The following SGMS1 variants were observed in gnomAD, a reference collection of about 807,000 sequenced individuals.
SGMS1 encodes phosphatidylcholine:ceramide cholinephosphotransferase 1.
A neutral mutation model predicts 46.2 loss-of-function variants in SGMS1; 13 were observed. The ratio of observed to expected loss-of-function variants is 0.28; its 90% CI spans 0.18 to 0.45. The LOEUF is 0.45. Ranked by LOEUF, SGMS1 falls within the 20% of genes least tolerant of loss-of-function variation. SGMS1 has a pLI of 1.00. For missense variants in SGMS1, 324 were observed against 519.9 expected, an observed-to-expected ratio of 0.62 and a Z score of 3.66; for synonymous variants, 203 against 187.8, an observed-to-expected ratio of 1.08 and a Z score of -0.66.
At chr10:50,503,045 A>G (rs1393675025) in intron 3 of SGMS1, among the ~76,000 whole-genome samples, 2 of 152,206 alleles carry the variant, frequency 1.3e-5, no homozygotes, top group African/African-American at 4.8e-5. Flanking sequence ...ATTTTCTCCA[A>G]CCCTACCTAG....
At chr10:50,598,321 A>C (rs1237897961) in intron 1 of SGMS1, among the ~76,000 whole-genome samples, 3 of 152,088 alleles carry the variant, frequency 2.0e-5, no homozygotes, top group African/African-American at 7.2e-5. Context: ...GCTAGCTGGC[A>C]CCCTCGGACT....
rs1027461719 is a variant in SGMS1 at position 50,623,920 on chromosome 10, G to T, written c.-897C>A. The T allele has an allele frequency of 1.4e-5, 14 of 986,634 alleles. No individual in the cohort carries two copies. The highest frequency in any genetic ancestry group is 1.2e-4 in the Admixed American group (2 of 16,284). 61.1% of individuals were successfully genotyped at this position (986,634 alleles called of 1,614,324 possible). On this transcript the variant is annotated 5_prime_UTR_variant, in exon 1 of 11. Coordinates refer to ENST00000361781, the MANE Select transcript of SGMS1 (RefSeq NM_147156.4). ...CCCGCAGCCGCTGCCCCGCTGGTGC[G>T]AACGCTTTCGACTTGCCACCGCGAG...
chr10:50,571,089 C>A (rs1838332983), intron 2 of SGMS1, among the ~76,000 whole-genome samples: 1 of 152,246 alleles, frequency 6.6e-6, no homozygotes, highest in Non-Finnish European at 1.5e-5. Flanking sequence ...AGTCCAACTG[C>A]AAACACTTGT....
intron 1 of SGMS1, among the ~76,000 whole-genome samples, chr10:50,602,974 T>G (rs1386959569): frequency 2.0e-5 from 3 of 152,158 alleles, no homozygotes; most frequent in Non-Finnish European, 2.9e-5. Context: ...ATGAACGAGT[T>G]TAGACAATGG....
At chr10:50,433,845 C>T (rs556646457) in intron 5 of SGMS1, among the ~76,000 whole-genome samples, 11 of 152,224 alleles carry the variant, frequency 7.2e-5, no homozygotes, top group East Asian at 5.8e-4. Context: ...GTTTCCCAGG[C>T]GGCAACAGTA....
intron 2 of SGMS1, among the ~76,000 whole-genome samples, chr10:50,544,269 C>G (rs1169690470): frequency 6.6e-6 from 1 of 152,070 alleles, no homozygotes; most frequent in Non-Finnish European, 1.5e-5. Flanking sequence ...GAAACTGAAG[C>G]CCAGAAAGGT....
chr10:50,316,633 TAA>T (rs1847342932), intron 8 of SGMS1, among the ~76,000 whole-genome samples: 1 of 152,106 alleles, frequency 6.6e-6, no homozygotes, highest in Admixed American at 6.5e-5. Flanking sequence ...CCTATTAAGG[TAA>T]ATTATTTTGT....
At chr10:50,371,531 T>C (rs747507521) in intron 6 of SGMS1, among the ~76,000 whole-genome samples, 3 of 152,226 alleles carry the variant, frequency 2.0e-5, no homozygotes, top group Non-Finnish European at 4.4e-5. Context: ...CTTTGTATGG[T>C]GGAGTTCTAC....
chr10:50,588,358 C>T (rs1393952786), intron 2 of SGMS1, among the ~76,000 whole-genome samples: 1 of 152,176 alleles, frequency 6.6e-6, no homozygotes, highest in Non-Finnish European at 1.5e-5. Context: ...CTTAGATACA[C>T]AGGGACGACT....
intron 3 of SGMS1, among the ~76,000 whole-genome samples, chr10:50,474,447 G>C (rs1837402819): frequency 6.6e-6 from 1 of 152,058 alleles, no homozygotes; most frequent in Admixed American, 6.5e-5. Flanking sequence ...TATAATCTCA[G>C]TACAGGCACC....
intron 2 of SGMS1, among the ~76,000 whole-genome samples, chr10:50,554,853 A>G (rs1838177535): frequency 6.6e-6 from 1 of 152,206 alleles, no homozygotes; most frequent in African/African-American, 2.4e-5. Context: ...TTTTTCACTC[A>G]ACAATATGTC....
At chr10:50,448,756 A>AT (rs1457477354) in intron 5 of SGMS1, among the ~76,000 whole-genome samples, 33 of 139,690 alleles carry the variant, frequency 2.4e-4, no homozygotes, top group African/African-American at 6.9e-4. Flanking sequence ...AAAAAAAAAA[A>AT]AAAAAGAATG....
intron 4 of SGMS1, among the ~76,000 whole-genome samples, chr10:50,466,016 A>T (rs975069288): frequency 6.6e-6 from 1 of 151,924 alleles, no homozygotes; most frequent in African/African-American, 2.4e-5. Context: ...AGACAGGAAA[A>T]GTAGGTATGT....
chr10:50,363,116 A>C (rs1243158439), intron 6 of SGMS1, among the ~76,000 whole-genome samples: 1 of 92,366 alleles, frequency 1.1e-5, no homozygotes, highest in East Asian at 4.1e-4. Flanking sequence ...TTCACTGGAC[A>C]TATACATTCT....
chr10:50,544,628 T>C (rs950313346), intron 2 of SGMS1, among the ~76,000 whole-genome samples: 1 of 152,228 alleles, frequency 6.6e-6, no homozygotes, highest in African/African-American at 2.4e-5. Context: ...GAAGTAAAAC[T>C]GAAGTAGGTT....
chr10:50,545,164 T>C (rs75851528), intron 2 of SGMS1, among the ~76,000 whole-genome samples: 2,620 of 152,230 alleles, frequency 0.017, 74 homozygotes, highest in African/African-American at 0.06. Context: ...CTTTATAATA[T>C]GAATGGGAAT....
intron 5 of SGMS1, among the ~76,000 whole-genome samples, chr10:50,443,383 CA>C (rs1032912410): frequency 2.0e-5 from 3 of 151,496 alleles, no homozygotes; most frequent in Non-Finnish European, 2.9e-5. Context: ...ACAACAACAA[CA>C]AAAAAGTTTC....
chr10:50,464,293 A>G (rs1837303017), intron 4 of SGMS1, among the ~76,000 whole-genome samples: 1 of 152,252 alleles, frequency 6.6e-6, no homozygotes, highest in Non-Finnish European at 1.5e-5. Flanking sequence ...GAGTAATGCA[A>G]TGTGAGACCA....
At chr10:50,408,448 A>T (rs1456023406) in intron 6 of SGMS1, among the ~76,000 whole-genome samples, 7 of 148,548 alleles carry the variant, frequency 4.7e-5, no homozygotes, top group Non-Finnish European at 7.4e-5. Context: ...AAAAAAAAAA[A>T]AAAAAAACAA....
Sources: allele counts gnomAD v4.1 joint callset (sites outside exome capture counted in the v4.1 genomes callset), GRCh38; gene constraint gnomAD v4.1.1; transcripts MANE v1.5; gene names NCBI Gene and HGNC (gene_info 2026-07-23, HGNC 2026-07-21).